PDE10A: variants seen among roughly 807,000 people sequenced by gnomAD.
The protein encoded by PDE10A is phosphodiesterase 10A, also known as cAMP and cAMP-inhibited cGMP 3',5'-cyclic phosphodiesterase 10A.
Under a neutral mutation model 97.7 loss-of-function variants are expected in PDE10A, and 39 were observed. The ratio of observed to expected loss-of-function variants is 0.40; its 90% CI spans 0.31 to 0.52. PDE10A has a LOEUF of 0.52. Ranked by LOEUF, PDE10A falls within the 20% of genes least tolerant of loss-of-function variation. The pLI is 0.56. For missense variants in PDE10A, 731 were observed against 1,047.8 expected (o/e 0.70, Z 4.17); for synonymous variants, 371 against 376.8 (o/e 0.98, Z 0.18).
At chr6:165,976,154 A>AT (rs1372465413) in intron 1 of PDE10A, among the ~76,000 whole-genome samples, 1 of 152,222 alleles carries the variant, frequency 6.6e-6, no homozygotes, top group Admixed American at 6.5e-5. Context: ...TCTTCTCCAT[A>AT]TACATTTTGA....
At chr6:165,545,261 G>C in intron 1 of PDE10A, 1 of 483,394 alleles carries the variant, frequency 2.1e-6, no homozygotes, top group South Asian at 1.5e-5. Flanking sequence ...ATCTAAATCA[G>C]GAATCTTAAC....
chr6:165,827,391 C>A (rs996110722), intron 1 of PDE10A, among the ~76,000 whole-genome samples: 7 of 152,224 alleles, frequency 4.6e-5, no homozygotes, highest in African/African-American at 1.7e-4. Context: ...CCACCCCGAA[C>A]TCTCCCAGAA....
intron 1 of PDE10A, among the ~76,000 whole-genome samples, chr6:165,852,592 G>A (rs1392716616): frequency 6.6e-6 from 1 of 152,214 alleles, no homozygotes; most frequent in Non-Finnish European, 1.5e-5. Context: ...TGTGAACAGA[G>A]TCGTAGGACT....
At chr6:165,357,456 T>C (rs886385855) in intron 18 of PDE10A, among the ~76,000 whole-genome samples, 4 of 152,250 alleles carry the variant, frequency 2.6e-5, no homozygotes, top group Middle Eastern at 6.8e-3. Context: ...TGGAAAGCTT[T>C]TGTGCAAGAT....
At chr6:165,838,376 T>C (rs2128472404) in intron 1 of PDE10A, among the ~76,000 whole-genome samples, 1 of 152,368 alleles carries the variant, frequency 6.6e-6, no homozygotes, top group East Asian at 1.9e-4. Context: ...AGGGTTTTTA[T>C]TGACATAATA....
intron 10 of PDE10A, among the ~76,000 whole-genome samples, chr6:165,420,605 T>G (rs989307350): frequency 6.6e-6 from 1 of 152,244 alleles, no homozygotes; most frequent in Non-Finnish European, 1.5e-5. Flanking sequence ...TTTGAGGTAA[T>G]GTCAGTTGCT....
intron 1 of PDE10A, among the ~76,000 whole-genome samples, chr6:165,895,264 G>T (rs1001850680): frequency 6.6e-6 from 1 of 152,154 alleles, no homozygotes; most frequent in Non-Finnish European, 1.5e-5. Flanking sequence ...TGATACATCT[G>T]GTACAACAGG....
chr6:165,435,162 T>G, intron 6 of PDE10A, 75 bp downstream of exon 6: 1 of 1,246,138 alleles, frequency 8.0e-7, no homozygotes, highest in Non-Finnish European at 1.1e-6. Flanking sequence ...AATTATAACA[T>G]CAAAATGATA....
chr6:165,615,470 A>G (rs1562630664), intron 1 of PDE10A, among the ~76,000 whole-genome samples: 1 of 152,160 alleles, frequency 6.6e-6, no homozygotes, highest in Non-Finnish European at 1.5e-5. Context: ...TGACAAACAG[A>G]AGCAAAAGGC....
chr6:165,705,918 C>G, intron 1 of PDE10A, among the ~76,000 whole-genome samples: 1 of 152,108 alleles, frequency 6.6e-6, no homozygotes, highest in East Asian at 1.9e-4. Flanking sequence ...TGGATTTGCC[C>G]AAAATCTAAG....
intron 3 of PDE10A, among the ~76,000 whole-genome samples, chr6:165,453,893 C>T (rs942624812): frequency 2.0e-5 from 3 of 152,162 alleles, no homozygotes; most frequent in African/African-American, 4.8e-5. Flanking sequence ...CTCCACAACT[C>T]TGGAGAAGCT....
chr6:165,844,362 C>G (rs916501088), intron 1 of PDE10A, among the ~76,000 whole-genome samples: 1 of 152,076 alleles, frequency 6.6e-6, no homozygotes, highest in Admixed American at 6.5e-5. Flanking sequence ...ACACTCACAG[C>G]GAGCCTTTCT....
Position 165,332,845 on chromosome 6 carries a change from A to G in PDE10A, c.*180T>C, listed in dbSNP as rs1781415905. On this transcript the variant is annotated 3_prime_UTR_variant, in exon 22 of 22. Transcript: ENST00000539869. ...TTGCTCAGTGTCTATGATGCCTCAC[A>G]GAAGAGATTGGCAGGAAGTCCTCTG... 1.7e-6 allele frequency: 1 copy of G among 586,128 alleles called. No homozygotes were observed. Among genetic ancestry groups the G allele is most frequent in the South Asian group, 2.0e-5 (1 of 49,246 alleles). 36.3% of individuals were successfully genotyped at this position (586,128 alleles called of 1,614,324 possible). A position where few individuals can be genotyped will look rare whatever the true frequency, so the allele number is the denominator to read the frequency against.
At chr6:165,381,716 C>T (rs1740807) in intron 17 of PDE10A, among the ~76,000 whole-genome samples, 69,065 of 148,900 alleles carry the variant, frequency 0.46, 16,820 homozygotes, top group African/African-American at 0.62. Context: ...CTCCCGACCT[C>T]GTGATCTGCC....
At position 165,913,292 on chromosome 6, in the gene PDE10A, A is replaced by ACACACG. The variant is rs1782513886; in HGVS notation, c.-615+74236_-615+74237insCGTGTG. Among the ~76,000 whole-genome samples, 5 of 152,052 alleles carry ACACACG rather than the reference A, an allele frequency of 3.3e-5. No homozygotes were observed. In the South Asian group the frequency reaches 1.0e-3, roughly 32 times the overall value. ...AACTTGTACACACACACACACACAC[A>ACACACG]CACACACACACACACACAGAGTCAT... is the stretch of plus-strand genomic sequence containing the variant. On this transcript the variant is annotated intron_variant, in intron 1 of 19. Coordinates refer to the PDE10A transcript ENST00000366882.
intron 1 of PDE10A, among the ~76,000 whole-genome samples, chr6:165,970,286 T>C (rs1242363615): frequency 6.6e-6 from 1 of 152,200 alleles, no homozygotes; most frequent in Non-Finnish European, 1.5e-5. Context: ...TCAAAGATGT[T>C]ATTAGAACAA....
At chr6:165,831,371 CAAAAAAAAAAA>C (rs760962725) in intron 1 of PDE10A, among the ~76,000 whole-genome samples, 1 of 44,802 alleles carries the variant, frequency 2.2e-5, no homozygotes, top group South Asian at 1.9e-3. Context: ...GACTCTGTCT[CAAAAAAAAAAA>C]AAAAAAAAAA....
At chr6:165,790,118 C>T (rs192691597) in intron 1 of PDE10A, among the ~76,000 whole-genome samples, 121 of 152,266 alleles carry the variant, frequency 7.9e-4, no homozygotes, top group African/African-American at 2.6e-3. Flanking sequence ...GTAATTCTTG[C>T]GTATTTCTAT....
intron 5 of PDE10A, among the ~76,000 whole-genome samples, chr6:165,437,940 C>T (rs369687114): frequency 4.6e-5 from 7 of 152,146 alleles, no homozygotes; most frequent in East Asian, 3.9e-4. Flanking sequence ...TTTGCAGAAG[C>T]ATATTTTTAA....
Sources: allele counts gnomAD v4.1 joint callset (sites outside exome capture counted in the v4.1 genomes callset), GRCh38; gene constraint gnomAD v4.1.1; transcripts MANE v1.5; gene names NCBI Gene and HGNC (gene_info 2026-07-23, HGNC 2026-07-21).